Variants in EIF3H observed in about 807,000 individuals in gnomAD.
EIF3H encodes the protein eIF-3-gamma.
EIF3H carries 26 observed loss-of-function variants against 44.2 expected under a neutral mutation model. The ratio of observed to expected loss-of-function variants is 0.59; its 90% CI spans 0.43 to 0.82. The LOEUF is 0.82. EIF3H is among the 40% of genes least tolerant of loss of function. The pLI is 0.00. For synonymous variants in EIF3H, 166 were observed against 151.9 expected (o/e 1.09, Z -0.68); for missense variants, 359 against 432.8 (o/e 0.83, Z 1.51).
intron 1 of EIF3H, among the ~76,000 whole-genome samples, chr8:116,747,457 T>C (rs1815257000): frequency 1.3e-5 from 2 of 152,198 alleles, no homozygotes; most frequent in South Asian, 4.1e-4. Flanking sequence ...GTATTACACT[T>C]CAGAAACACA....
At chr8:116,696,294 A>G (rs974456304) in intron 2 of EIF3H, among the ~76,000 whole-genome samples, 1 of 152,236 alleles carries the variant, frequency 6.6e-6, no homozygotes, top group Non-Finnish European at 1.5e-5. Flanking sequence ...ATGGGATTCC[A>G]CTGATCAAAC....
chr8:116,690,802 T>C (rs1814161828), intron 2 of EIF3H, among the ~76,000 whole-genome samples: 1 of 152,202 alleles, frequency 6.6e-6, no homozygotes, highest in African/African-American at 2.4e-5. Flanking sequence ...AAAGATTATC[T>C]CTGCTCTCTG....
At chr8:116,743,798 AAACACACAC>A (rs1563659937) in intron 1 of EIF3H, among the ~76,000 whole-genome samples, 4,024 of 79,706 alleles carry the variant, frequency 0.05, 112 homozygotes, top group South Asian at 0.11. Flanking sequence ...ATATATATAT[AAACACACAC>A]ACACACACAC....
At chr8:116,706,865 GCT>G (rs1396617063) in intron 2 of EIF3H, among the ~76,000 whole-genome samples, 2 of 152,162 alleles carry the variant, frequency 1.3e-5, no homozygotes, top group African/African-American at 4.8e-5. Context: ...TATAAAACAA[GCT>G]CTGTGTCAGA....
intron 2 of EIF3H, chr8:116,689,047 A>G (rs1330480174): frequency 2.3e-6 from 1 of 433,268 alleles, no homozygotes; most frequent in Non-Finnish European, 4.6e-6. Flanking sequence ...GTTCAGATGA[A>G]TAACAAAAAC....
At chr8:116,698,154 A>G (rs1814301881) in intron 2 of EIF3H, among the ~76,000 whole-genome samples, 1 of 152,170 alleles carries the variant, frequency 6.6e-6, no homozygotes, top group South Asian at 2.1e-4. Flanking sequence ...AGGTAGCTAC[A>G]ATTTCACAGG....
intron 1 of EIF3H, chr8:116,734,230 TAAG>T: frequency 2.2e-6 from 1 of 452,114 alleles, no homozygotes; most frequent in Non-Finnish European, 4.4e-6. Context: ...CGGAAATTGC[TAAG>T]AAAAGGGGAA....
chr8:116,697,853 A>G (rs1218831263), intron 2 of EIF3H, among the ~76,000 whole-genome samples: 2 of 152,238 alleles, frequency 1.3e-5, no homozygotes, highest in Admixed American at 6.5e-5. Context: ...ATTATGCTTT[A>G]GTGGGGGGCA....
intron 5 of EIF3H, 67 bp from the exon 6 acceptor site, chr8:116,648,993 AG>A: frequency 1.4e-6 from 2 of 1,420,834 alleles, no homozygotes; most frequent in South Asian, 2.8e-5. Context: ...TGCTCTAAAC[AG>A]TTTTAAGATA....
At chr8:116,711,699 G>A (rs953620928) in intron 2 of EIF3H, among the ~76,000 whole-genome samples, 4 of 152,132 alleles carry the variant, frequency 2.6e-5, no homozygotes, top group African/African-American at 7.2e-5. Context: ...ACACAGTTAC[G>A]TAAATATGTG....
intron 1 of EIF3H, among the ~76,000 whole-genome samples, chr8:116,753,021 C>T (rs905881442): frequency 6.6e-6 from 1 of 151,828 alleles, no homozygotes; most frequent in African/African-American, 2.4e-5. Flanking sequence ...ACCAGTATTC[C>T]CTGTATTAAC....
intron 2 of EIF3H, among the ~76,000 whole-genome samples, chr8:116,722,530 T>C (rs1814767325): frequency 6.6e-6 from 1 of 152,234 alleles, no homozygotes; most frequent in South Asian, 2.1e-4. Context: ...TTGGTGTTTA[T>C]TATTCTCATG....
intron 2 of EIF3H, among the ~76,000 whole-genome samples, chr8:116,713,490 A>G (rs1447930104): frequency 6.6e-6 from 1 of 152,180 alleles, no homozygotes; most frequent in East Asian, 1.9e-4. Context: ...GTAAATGCAA[A>G]AATATTTTTC....
chr8:116,698,816 G>T (rs988057308), intron 2 of EIF3H, among the ~76,000 whole-genome samples: 23 of 151,872 alleles, frequency 1.5e-4, no homozygotes, highest in African/African-American at 5.6e-4. Flanking sequence ...GTATACCAAT[G>T]GCTCATTAGA....
chr8:116,651,671 T>G (rs748513704), intron 5 of EIF3H, among the ~76,000 whole-genome samples: 15 of 152,348 alleles, frequency 9.8e-5, no homozygotes, highest in Non-Finnish European at 1.8e-4. Context: ...TAAATCACTT[T>G]TAACTTCAAA....
intron 2 of EIF3H, among the ~76,000 whole-genome samples, chr8:116,663,605 G>T (rs1331064012): frequency 6.6e-6 from 1 of 152,124 alleles, no homozygotes; most frequent in Non-Finnish European, 1.5e-5. Flanking sequence ...TCCCCACTGA[G>T]GAAAAGTAGT....
At chr8:116,757,953 C>G (rs1006206165), upstream of EIF3H, among the ~76,000 whole-genome samples, 4 of 152,146 alleles carry the variant, frequency 2.6e-5, no homozygotes, top group South Asian at 8.3e-4. Context: ...AACGCCTCAC[C>G]TCAGGTGATC....
chr8:116,694,933 G>T (rs1265444142), intron 2 of EIF3H, among the ~76,000 whole-genome samples: 1 of 151,958 alleles, frequency 6.6e-6, no homozygotes. Flanking sequence ...CAGAGAATAA[G>T]AAAATAAAAA....
In EIF3H at chr8:116,644,851, T is replaced by C; in HGVS notation, c.*155A>G. Reference sequence around the variant, plus strand: ...AAGCAGTCAAGATTTTGTTTTATTTTATTATGGCTAGAAAGACACTGTTAT... The same window carrying C: ...AAGCAGTCAAGATTTTGTTTTATTTCATTATGGCTAGAAAGACACTGTTAT... On this transcript the variant is annotated 3_prime_UTR_variant, in exon 8 of 8. Transcript: ENST00000521861. The C allele has an allele frequency of 1.8e-6, 1 of 560,508 alleles. No homozygotes were observed. The allele number at this position is 560,508 out of a possible 1,614,324, so 34.7% of individuals were successfully genotyped here.
Sources: allele counts gnomAD v4.1 joint callset (sites outside exome capture counted in the v4.1 genomes callset), GRCh38; gene constraint gnomAD v4.1.1; transcripts MANE v1.5; gene names NCBI Gene and HGNC (gene_info 2026-07-23, HGNC 2026-07-21).